Variants in CHI3L2 observed in about 807,000 individuals in gnomAD.
CHI3L2 encodes chitinase-3-like protein 2.
CHI3L2 carries 47 observed loss-of-function variants against 47.3 expected under a neutral mutation model. The ratio of observed to expected loss-of-function variants is 0.99; its 90% CI spans 0.79 to 1.27. The LOEUF (loss-of-function observed/expected upper bound fraction) is 1.27. CHI3L2 is among the 50% of genes most tolerant of loss of function. CHI3L2 has a pLI of 0.00. For missense variants in CHI3L2, 497 were observed against 462.1 expected (o/e 1.08, Z -0.69); for synonymous variants, 198 against 169.9 (o/e 1.17, Z -1.28).
At position 111,238,492 on chromosome 1, in the gene CHI3L2, G is replaced by C. The variant is rs140196654; in HGVS notation, c.736-258G>C. Among the ~76,000 whole-genome samples the C allele has an allele frequency of 4.4e-3, 674 of 152,280 alleles. 23 individuals carry two copies. Among genetic ancestry groups the C allele is most frequent in the Admixed American group, 0.041 (632 of 15,304 alleles). ...GACAACCTTGATTTCATGTTTTCTA[G>C]GTTCCTTGACTGATTTCTTTTGTGA... On this transcript the variant is annotated intron_variant, in intron 7 of 10. Coordinates refer to ENST00000369748, the MANE Select transcript of CHI3L2 (RefSeq NM_004000.3).
At chr1:111,228,497 C>A (rs765351729) in intron 1 of CHI3L2, among the ~76,000 whole-genome samples, 1 of 152,304 alleles carries the variant, frequency 6.6e-6, no homozygotes, top group East Asian at 1.9e-4. Flanking sequence ...CAGGGTAGAG[C>A]CCGTAGGGAG....
chr1:111,227,674 C>G, upstream of CHI3L2: 1 of 1,569,908 alleles, frequency 6.4e-7, no homozygotes. Flanking sequence ...GCTGTCGAAA[C>G]CTCAGTGGAT....
chr1:111,238,612 G>A (rs1212749299), intron 7 of CHI3L2, 138 bp from the exon 8 acceptor site: 1 of 777,898 alleles, frequency 1.3e-6, no homozygotes, highest in African/African-American at 1.8e-5. Context: ...CTCTGGTCCG[G>A]GGGGTCTGGT....
intron 1 of CHI3L2, among the ~76,000 whole-genome samples, chr1:111,228,096 C>T (rs761365672): frequency 1.3e-5 from 2 of 152,146 alleles, no homozygotes; most frequent in African/African-American, 2.4e-5. Context: ...CGTTGTATTG[C>T]GAGTCACATC....
chr1:111,242,131 T>C lies in CHI3L2; in HGVS notation c.1036-96T>C, dbSNP rs1032181241. ...CAGAAAACCAGTTAGTCTACTGCTG[T>C]ATTTTAAGCTTAGTCCCTCATCTGA... On this transcript the variant is annotated intron_variant, in intron 9 of 10. Coordinates refer to ENST00000369748, the MANE Select transcript of CHI3L2 (RefSeq NM_004000.3). The C allele has an allele frequency of 3.7e-5, 55 of 1,502,026 alleles. No individual in the cohort carries two copies. The African/African-American group carries it at 7.1e-4, about 19-fold the overall frequency. The allele number at this position is 1,502,026 out of a possible 1,614,324, so 93.0% of individuals were successfully genotyped here. A position where few individuals can be genotyped will look rare whatever the true frequency, so the allele number is the denominator to read the frequency against.
intron 1 of CHI3L2, among the ~76,000 whole-genome samples, chr1:111,228,287 A>G (rs1288922362): frequency 6.6e-6 from 1 of 152,200 alleles, no homozygotes; most frequent in Admixed American, 6.5e-5. Flanking sequence ...GATGAGGCTA[A>G]ATAAACAAGG....
rs754858405 is a variant in CHI3L2, at chr1:111,236,167, G to A, written c.735+14G>A. ...TACTACAATGTGGTGAGTAGGCCAG[G>A]GGAACCGCAGGGGTACTGGCTGTGG... On this transcript the variant is annotated intron_variant, in intron 7 of 10. Coordinates refer to ENST00000369748, the MANE Select transcript of CHI3L2 (RefSeq NM_004000.3). The A allele has an allele frequency of 6.2e-7, 1 of 1,613,694 alleles. No individual in the cohort carries two copies. Among genetic ancestry groups the A allele is most frequent in the East Asian group, 2.2e-5 (1 of 44,874 alleles).
At chr1:111,229,048 T>A (rs1659611470) in intron 1 of CHI3L2, among the ~76,000 whole-genome samples, 1 of 152,218 alleles carries the variant, frequency 6.6e-6, no homozygotes, top group South Asian at 2.1e-4. Context: ...TGGGACCATC[T>A]CAATTTGCCT....
chr1:111,243,350 T>A lies in CHI3L2; in HGVS notation c.*136T>A. 1 of 418,284 alleles carries A rather than the reference T, an allele frequency of 2.4e-6. No homozygotes were observed. Among genetic ancestry groups the A allele is most frequent in the South Asian group, 1.7e-5 (1 of 59,700 alleles). 25.9% of individuals were successfully genotyped at this position (418,284 alleles called of 1,614,324 possible). A position where few individuals can be genotyped will look rare whatever the true frequency, so the allele number is the denominator to read the frequency against. ...TTCCAAGCCTTTCCTGACTTCCTCT[T>A]AGATCATAGATTGGACCTGGTTTTG... is the stretch of plus-strand genomic sequence containing the variant. On this transcript the variant is annotated 3_prime_UTR_variant, in exon 11 of 11. Coordinates refer to ENST00000369748, the MANE Select transcript of CHI3L2 (RefSeq NM_004000.3).
At chr1:111,242,462 C>T (rs1232350908) in intron 10 of CHI3L2, 96 bp downstream of exon 10, 1 of 1,347,216 alleles carries the variant, frequency 7.4e-7, no homozygotes, top group Non-Finnish European at 1.0e-6. Flanking sequence ...TTGGACTAAT[C>T]CTTTCTCATG....
Position 111,238,932 on chromosome 1 carries a change from G to T in CHI3L2, c.918G>T (p.Glu306Asp). The T allele has an allele frequency of 6.3e-7, 1 of 1,587,516 alleles. No individual in the cohort carries two copies. Among genetic ancestry groups the T allele is most frequent in the Non-Finnish European group, 8.5e-7 (1 of 1,169,614 alleles). The change falls in exon 8 of 11, where the codon GAG becomes GAT. Residue 306 changes from glutamate to aspartate, a missense_variant and splice_region_variant. By Grantham distance (45) the Glu-to-Asp change is conservative (BLOSUM62 2). Transcript: ENST00000369748. ...CTTCAGGCTTCCTGGCCTATTATGA[G>T]GTACCTGGAAACCCCCTGTACCCTC... ...TESSGFLAYY[E>D]ICQFLKGAKI...
chr1:111,228,143 T>G (rs912922644), intron 1 of CHI3L2, among the ~76,000 whole-genome samples: 3 of 152,202 alleles, frequency 2.0e-5, no homozygotes, highest in Admixed American at 6.5e-5. Flanking sequence ...TTTACAACTT[T>G]TGGAGAGCCC....
At position 111,241,398 on chromosome 1, in the gene CHI3L2, G is replaced by GA. The variant is rs773793726; in HGVS notation, c.992dup (p.Asn331LysfsTer7). 1.5e-5 allele frequency: 24 copies of GA among 1,609,826 alleles called. No individual in the cohort carries two copies. In the African/African-American group the frequency reaches 2.9e-4, roughly 20 times the overall value. On this transcript the variant is annotated frameshift_variant, in exon 9 of 11. Coordinates refer to ENST00000369748, the MANE Select transcript of CHI3L2 (RefSeq NM_004000.3). LOFTEE classifies it high-confidence loss of function. ...AGCAGGTTCCCTACGCAGTCAAGGGGAACCAGTGGGTGGGCTATGATGATG... is the reference window on the plus strand; with the variant it reads ...AGCAGGTTCCCTACGCAGTCAAGGGGAAACCAGTGGGTGGGCTATGATGATG...
Position 111,242,349 on chromosome 1 carries a change from CCTT to C in CHI3L2, c.1159_1161del (p.Leu387del). 3.1e-6 allele frequency: 5 copies of C among 1,608,374 alleles called. No individual in the cohort carries two copies. Among genetic ancestry groups the C allele is most frequent in the Non-Finnish European group, 4.2e-6 (5 of 1,177,202 alleles). On this transcript the variant is annotated inframe_deletion, in exon 10 of 11. Transcript: ENST00000369748. ...CTCTTGTCCAAGCAGTCAAGAGAAG[CCTT>C]GGCTCCCTGTGAAGGTAACAGTCCA... is the stretch of plus-strand genomic sequence containing the variant.
chr1:111,241,421 A>G lies in CHI3L2; in HGVS notation c.1013A>G (p.Asp338Gly), dbSNP rs1212208067. ...VKGNQWVGYDDVKSMETKVQF... is the reference protein window; with the variant it reads ...VKGNQWVGYDGVKSMETKVQF... ...GGGAACCAGTGGGTGGGCTATGATG[A>G]TGTGAAGAGTATGGAGACCAAGGTA... Residue 338 changes from aspartate (D) to glycine (G), a missense_variant, in exon 9 of 11, where the codon GAT becomes GGT. Coordinates refer to ENST00000369748, the MANE Select transcript of CHI3L2 (RefSeq NM_004000.3). 1.3e-6 allele frequency: 2 copies of G among 1,599,188 alleles called. No individual in the cohort carries two copies. Among genetic ancestry groups the G allele is most frequent in the South Asian group, 2.2e-5 (2 of 90,740 alleles).
chr1:111,237,607 T>C (rs911671631), intron 7 of CHI3L2, among the ~76,000 whole-genome samples: 9 of 152,236 alleles, frequency 5.9e-5, no homozygotes, highest in Admixed American at 5.2e-4. Flanking sequence ...CTATCAGTTA[T>C]CTTTAAGGAT....
chr1:111,229,992 G>A (rs896469881), intron 2 of CHI3L2, 111 bp downstream of exon 2: 20 of 1,184,432 alleles, frequency 1.7e-5, no homozygotes, highest in South Asian at 5.3e-5. Context: ...TACTCTCTCC[G>A]GTTCTGCCAC....
chr1:111,242,985 A>T (rs1241926293), intron 10 of CHI3L2, among the ~76,000 whole-genome samples: 1 of 152,204 alleles, frequency 6.6e-6, no homozygotes, highest in Non-Finnish European at 1.5e-5. Flanking sequence ...TTATGCTGTG[A>T]TACATTGGTT....
Position 111,230,958 on chromosome 1 carries a change from G to A in CHI3L2, c.272+15G>A, listed in dbSNP as rs1390759433. ...CTCAAAACCAAGTGAGTAAGATGGG[G>A]GTGGAAGCATCCTGCATGGATTTTA... On this transcript the variant is annotated intron_variant, in intron 3 of 10. Transcript: ENST00000369748. The A allele has an allele frequency of 2.5e-6, 4 of 1,605,764 alleles. No individual in the cohort carries two copies. The highest frequency in any genetic ancestry group is 3.4e-6 in the Non-Finnish European group (4 of 1,172,880).
Sources: allele counts gnomAD v4.1 joint callset (sites outside exome capture counted in the v4.1 genomes callset), GRCh38; gene constraint gnomAD v4.1.1; transcripts MANE v1.5; gene names NCBI Gene and HGNC (gene_info 2026-07-23, HGNC 2026-07-21).